Variants in SASS6 observed in about 807,000 individuals in gnomAD.
SASS6 encodes the protein spindle assembly abnormal protein 6 homolog.
Under a neutral mutation model 94.9 loss-of-function variants are expected in SASS6, and 59 were observed. That is an observed-to-expected ratio of 0.62 (90% CI 0.50 to 0.77). The LOEUF (loss-of-function observed/expected upper bound fraction) is 0.77, where lower values mean the gene tolerates loss of function less well. Among genes scored for constraint, SASS6 ranks in the 30% least tolerant of loss-of-function variants. The probability of loss-of-function intolerance (pLI) is 0.00; values close to 1 mark genes in which losing one functional copy is unlikely to be tolerated. For missense variants in SASS6, 698 were observed against 734.1 expected, an observed-to-expected ratio of 0.95 and a Z score of 0.57; for synonymous variants, 264 against 270.0, an observed-to-expected ratio of 0.98 and a Z score of 0.22.
intron 14 of SASS6, among the ~76,000 whole-genome samples, chr1:100,101,589 A>G (rs1031488425): frequency 2.6e-5 from 4 of 152,158 alleles, no homozygotes; most frequent in African/African-American, 9.6e-5. Context: ...TTTAAATAAA[A>G]AACAACTGTG....
At chr1:100,096,025 A>C (rs1056739150) in intron 14 of SASS6, among the ~76,000 whole-genome samples, 2 of 152,224 alleles carry the variant, frequency 1.3e-5, no homozygotes, top group Admixed American at 1.3e-4. Context: ...CAAAATCCAA[A>C]CAAACCATTT....
chr1:100,117,210 T>C (rs1653855436), intron 7 of SASS6, among the ~76,000 whole-genome samples: 1 of 150,966 alleles, frequency 6.6e-6, no homozygotes, highest in East Asian at 1.9e-4. Context: ...GAGAATTGCT[T>C]GAACCTGGGA....
intron 2 of SASS6, among the ~76,000 whole-genome samples, chr1:100,123,803 T>A (rs554345244): frequency 6.6e-6 from 1 of 152,356 alleles, no homozygotes; most frequent in South Asian, 2.1e-4. Context: ...AAAGAGCCTA[T>A]TCTCTCCTAG....
At chr1:100,095,710 G>A (rs1306190501) in intron 14 of SASS6, among the ~76,000 whole-genome samples, 2 of 152,100 alleles carry the variant, frequency 1.3e-5, no homozygotes, top group Non-Finnish European at 2.9e-5. Context: ...TATAATAAAT[G>A]AGTTTAGCAA....
chr1:100,107,526 C>G lies in SASS6; in HGVS notation c.1174G>C (p.Gly392Arg). The G allele has an allele frequency of 6.2e-7, 1 of 1,602,548 alleles. No homozygotes were observed. Among genetic ancestry groups the G allele is most frequent in the Non-Finnish European group, 8.5e-7 (1 of 1,172,896 alleles). ...TTACCCATTAAAGTTTTCAGATCCC[C>G]TTGTAACTTCTTGATAATTTCATTT... ...KANEIIKKLQ[G>R]DLKTLMGKLK... The change falls in exon 11 of 17, where the codon GGG becomes CGG. Residue 392 changes from glycine (G) to arginine (R), a missense_variant. By Grantham distance (125) the Gly-to-Arg change is moderately radical. Transcript: ENST00000287482.
At chr1:100,126,846 G>C (rs1654656197) in intron 1 of SASS6, among the ~76,000 whole-genome samples, 1 of 152,032 alleles carries the variant, frequency 6.6e-6, no homozygotes, top group Non-Finnish European at 1.5e-5. Context: ...TTAAAATCAA[G>C]GAAATAACAT....
At chr1:100,123,104 G>A (rs1351547794) in intron 3 of SASS6, 106 bp downstream of exon 3, 2 of 553,880 alleles carry the variant, frequency 3.6e-6, no homozygotes, top group East Asian at 3.5e-5. Flanking sequence ...TATTCCCAAA[G>A]TAACTAAATC....
intron 7 of SASS6, among the ~76,000 whole-genome samples, chr1:100,110,994 T>A (rs915674781): frequency 6.6e-6 from 1 of 152,058 alleles, no homozygotes; most frequent in African/African-American, 2.4e-5. Flanking sequence ...TAGTCATTTT[T>A]ACCAACAATA....
In SASS6 at chr1:100,105,639, G is replaced by A. The variant is rs1652843787; in HGVS notation, c.1545+128C>T. On this transcript the variant is annotated intron_variant, in intron 13 of 16. Transcript: ENST00000287482. ...CAGGGGCAACTTAAACTCTATTTCAGTGCAATTGTAGGACTCCACTTTGTA... is the reference window on the plus strand; with the variant it reads ...CAGGGGCAACTTAAACTCTATTTCAATGCAATTGTAGGACTCCACTTTGTA... 6.2e-6 allele frequency: 5 copies of A among 808,902 alleles called. No individual in the cohort carries two copies. The South Asian group carries it at 8.6e-5, about 14-fold the overall frequency. 50.1% of individuals were successfully genotyped at this position (808,902 alleles called of 1,614,324 possible). A position where few individuals can be genotyped will look rare whatever the true frequency, so the allele number is the denominator to read the frequency against.
At chr1:100,090,691 T>C (rs944915055) in intron 14 of SASS6, among the ~76,000 whole-genome samples, 12 of 152,014 alleles carry the variant, frequency 7.9e-5, no homozygotes, top group African/African-American at 2.7e-4. Context: ...TCTTGCTGCT[T>C]GATAACAGAT....
At chr1:100,119,848 A>C (rs967641647) in intron 6 of SASS6, among the ~76,000 whole-genome samples, 1 of 152,196 alleles carries the variant, frequency 6.6e-6, no homozygotes, top group African/African-American at 2.4e-5. Flanking sequence ...CAGCCTACAG[A>C]ACAATGAACC....
rs1650993545 is a variant in SASS6 at position 100,083,579 on chromosome 1, CA to C, written c.*1748del. 1 of 151,746 alleles carries C rather than the reference CA, an allele frequency of 6.6e-6. No homozygotes were observed. 9.4% of individuals were successfully genotyped at this position (151,746 alleles called of 1,614,324 possible). ...CTTGATTTTCAAAGTGTAGATGCTG[CA>C]TAATAGTTTATTAACAAAGCTCAAA... On this transcript the variant is annotated 3_prime_UTR_variant, in exon 17 of 17. Transcript: ENST00000287482.
At chr1:100,100,295 T>C (rs919214458) in intron 14 of SASS6, among the ~76,000 whole-genome samples, 2 of 152,088 alleles carry the variant, frequency 1.3e-5, no homozygotes, top group East Asian at 3.9e-4. Context: ...AATGAATGAA[T>C]AAACAGTTTA....
intron 7 of SASS6, among the ~76,000 whole-genome samples, chr1:100,112,330 T>C (rs1193361013): frequency 6.6e-6 from 1 of 152,016 alleles, no homozygotes; most frequent in African/African-American, 2.4e-5. Flanking sequence ...GAAGAAGTGA[T>C]GAAATATAGA....
chr1:100,087,937 G>C (rs945133812), intron 15 of SASS6, among the ~76,000 whole-genome samples: 3 of 152,144 alleles, frequency 2.0e-5, no homozygotes, highest in African/African-American at 7.2e-5. Context: ...ATAATGAGTA[G>C]ATTGTTGGAG....
At chr1:100,106,858 A>C in intron 12 of SASS6, 54 bp downstream of exon 12, 1 of 818,358 alleles carries the variant, frequency 1.2e-6, no homozygotes, top group Non-Finnish European at 2.1e-6. Flanking sequence ...TGTCTCAAAA[A>C]AATAAAAGAA....
At chr1:100,115,383 A>G (rs1269282866) in intron 7 of SASS6, among the ~76,000 whole-genome samples, 1 of 148,080 alleles carries the variant, frequency 6.8e-6, no homozygotes, top group Non-Finnish European at 1.5e-5. Context: ...AACAGAGAAA[A>G]AGGGAGAGAG....
intron 6 of SASS6, among the ~76,000 whole-genome samples, chr1:100,119,802 A>C (rs1433275879): frequency 1.3e-5 from 2 of 152,196 alleles, no homozygotes; most frequent in African/African-American, 4.8e-5. Context: ...TCAGGTCCCC[A>C]CTAGAAGCCA....
intron 14 of SASS6, among the ~76,000 whole-genome samples, chr1:100,090,637 T>C (rs985885604): frequency 2.0e-5 from 3 of 152,114 alleles, no homozygotes; most frequent in African/African-American, 7.2e-5. Flanking sequence ...TGTGGCCTCA[T>C]TAACAGGGGA....
Sources: gnomAD v4.1 joint callset for allele counts (sites outside exome capture counted in the v4.1 genomes callset) on GRCh38, gnomAD v4.1.1 for gene constraint, MANE v1.5 for transcripts, NCBI Gene and HGNC (gene_info 2026-07-23, HGNC 2026-07-21) for gene names.